The following OLFM2 variants were observed in gnomAD, a reference collection of about 807,000 sequenced individuals.
OLFM2 encodes noelin-2.
OLFM2 carries 20 observed loss-of-function variants against 43.9 expected under a neutral mutation model. The ratio of observed to expected loss-of-function variants is 0.46; its 90% CI spans 0.32 to 0.66. The LOEUF (loss-of-function observed/expected upper bound fraction) is 0.66, where lower values mean the gene tolerates loss of function less well. OLFM2 is among the 30% of genes least tolerant of loss of function. The probability of loss-of-function intolerance (pLI) is 0.04; values close to 1 mark genes in which losing one functional copy is unlikely to be tolerated. For synonymous variants in OLFM2, 268 were observed against 278.6 expected (o/e 0.96, Z 0.38); for missense variants, 416 against 643.6 (o/e 0.65, Z 3.83).
chr19:9,904,153 TG>T (rs1169034093), intron 1 of OLFM2, among the ~76,000 whole-genome samples: 14 of 3,264 alleles, frequency 4.3e-3, no homozygotes, highest in Non-Finnish European at 7.4e-3. Context: ...GAGTATTGTT[TG>T]TGTGTGTGTG....
At chr19:9,864,387 A>G (rs966612450) in intron 1 of OLFM2, among the ~76,000 whole-genome samples, 21 of 151,666 alleles carry the variant, frequency 1.4e-4, no homozygotes, top group African/African-American at 4.8e-4. Flanking sequence ...TGCAACCTCC[A>G]CCTCCTGGGT....
intron 1 of OLFM2, among the ~76,000 whole-genome samples, chr19:9,894,376 C>CAATAATAATAATAATAATAAT (rs528905230): frequency 5.1e-5 from 6 of 118,288 alleles, no homozygotes; most frequent in East Asian, 2.3e-4. Flanking sequence ...GACTCTCTCT[C>CAATAATAATAATAATAATAAT]AATAATAATA....
At chr19:9,925,399 G>A (rs1010093885) in intron 1 of OLFM2, among the ~76,000 whole-genome samples, 11 of 152,244 alleles carry the variant, frequency 7.2e-5, no homozygotes, top group South Asian at 6.2e-4. Flanking sequence ...CGCAGTCGCC[G>A]TAGAAAACAT....
chr19:9,860,820 C>T lies in OLFM2; in HGVS notation c.64-26G>A, dbSNP rs1276322247. 4.4e-6 allele frequency: 7 copies of T among 1,589,972 alleles called. No individual in the cohort carries two copies. In the East Asian group the frequency reaches 6.8e-5, roughly 15 times the overall value. On this transcript the variant is annotated intron_variant, in intron 1 of 5. Coordinates refer to ENST00000264833, the MANE Select transcript of OLFM2 (RefSeq NM_058164.4). Reference sequence around the variant, plus strand: ...CTGCAAAGAGGTGGGGGTCAGAGACCGGAATCCCAGTGAGGGTCTCGCCTC... The same window carrying T: ...CTGCAAAGAGGTGGGGGTCAGAGACTGGAATCCCAGTGAGGGTCTCGCCTC...
At chr19:9,914,133 C>G (rs1333122587) in intron 1 of OLFM2, among the ~76,000 whole-genome samples, 3 of 151,798 alleles carry the variant, frequency 2.0e-5, no homozygotes, top group African/African-American at 7.3e-5. Flanking sequence ...CTCCCGCACG[C>G]AGACCCTCTT....
chr19:9,924,635 C>A (rs1392956939), intron 1 of OLFM2, among the ~76,000 whole-genome samples: 1 of 151,936 alleles, frequency 6.6e-6, no homozygotes, highest in East Asian at 1.9e-4. Flanking sequence ...AGCTCTGATA[C>A]TACATGCAAG....
chr19:9,895,382 G>C (rs1441009699), intron 1 of OLFM2, among the ~76,000 whole-genome samples: 3 of 151,962 alleles, frequency 2.0e-5, no homozygotes, highest in Admixed American at 6.6e-5. Context: ...TGTAGTCCCA[G>C]CTACTCGGGA....
At chr19:9,901,763 C>T (rs1415866991) in intron 1 of OLFM2, among the ~76,000 whole-genome samples, 2 of 152,148 alleles carry the variant, frequency 1.3e-5, no homozygotes, top group African/African-American at 2.4e-5. Flanking sequence ...GTTGTTTATC[C>T]ACAGGCACCT....
intron 1 of OLFM2, among the ~76,000 whole-genome samples, chr19:9,879,458 G>A (rs2046521059): frequency 6.6e-6 from 1 of 152,030 alleles, no homozygotes; most frequent in Admixed American, 6.6e-5. Context: ...AACGTGTGTA[G>A]CACCTCCCCC....
intron 1 of OLFM2, among the ~76,000 whole-genome samples, chr19:9,908,986 G>A (rs549536703): frequency 1.3e-5 from 2 of 151,962 alleles, no homozygotes; most frequent in South Asian, 4.2e-4. Flanking sequence ...GATTACACAT[G>A]TGAGCCCACT....
chr19:9,872,802 T>TCATTCATC (rs1260198670), intron 1 of OLFM2, among the ~76,000 whole-genome samples: 1 of 151,968 alleles, frequency 6.6e-6, no homozygotes, highest in African/African-American at 2.4e-5. Context: ...ACCCATTCAT[T>TCATTCATC]CATTCATCCA....
chr19:9,858,242 A>G (rs986342312), intron 2 of OLFM2: 1 of 204,140 alleles, frequency 4.9e-6, no homozygotes, highest in Non-Finnish European at 9.1e-6. Flanking sequence ...CCCCCCGCCC[A>G]ACCCACTTCC....
chr19:9,933,599 C>CCAGGCT (rs1384196130), intron 1 of OLFM2, among the ~76,000 whole-genome samples: 1 of 133,550 alleles, frequency 7.5e-6, no homozygotes, highest in African/African-American at 2.8e-5. Context: ...CTCTTGTTGT[C>CCAGGCT]CAGGCTGGAG....
intron 1 of OLFM2, among the ~76,000 whole-genome samples, chr19:9,869,864 C>G (rs780517098): frequency 6.6e-6 from 1 of 152,138 alleles, no homozygotes; most frequent in Non-Finnish European, 1.5e-5. Context: ...GACAGTTCCT[C>G]CAGCCTCAGA....
At chr19:9,934,867 CT>C (rs2086506298) in intron 1 of OLFM2, among the ~76,000 whole-genome samples, 1 of 152,210 alleles carries the variant, frequency 6.6e-6, no homozygotes, top group African/African-American at 2.4e-5. Flanking sequence ...CAACACCCCC[CT>C]CGGGGTGAGC....
intron 1 of OLFM2, chr19:9,913,639 G>A: frequency 1.6e-6 from 2 of 1,257,490 alleles, no homozygotes; most frequent in South Asian, 2.0e-5. Context: ...CTCATGCCCC[G>A]CGGCCGCCCG....
Position 9,913,245 on chromosome 19 carries a change from C to T in OLFM2, c.63+23059G>A, listed in dbSNP as rs750028000. On this transcript the variant is annotated intron_variant, in intron 1 of 5. Transcript: ENST00000264833. Reference sequence around the variant, plus strand: ...TAATAATCATAATAATCAATAATAACAGCAAGAACCATCCTAAATGGCGCG... The same window carrying T: ...TAATAATCATAATAATCAATAATAATAGCAAGAACCATCCTAAATGGCGCG... 3.3e-4 allele frequency among the ~76,000 whole-genome samples: 50 copies of T among 152,144 alleles called. 1 individual carries two copies. Among genetic ancestry groups the T allele is most frequent in the Admixed American group, 1.5e-3 (23 of 15,276 alleles).
At chr19:9,881,425 C>T (rs1023030948) in intron 1 of OLFM2, among the ~76,000 whole-genome samples, 2 of 152,106 alleles carry the variant, frequency 1.3e-5, no homozygotes, top group Non-Finnish European at 2.9e-5. Context: ...CTTCCAAGGG[C>T]GTGCATGTGA....
chr19:9,876,111 G>A (rs1010055537), intron 1 of OLFM2, among the ~76,000 whole-genome samples: 7 of 152,150 alleles, frequency 4.6e-5, no homozygotes, highest in South Asian at 2.1e-4. Context: ...TTTTTCAGAC[G>A]TAAAAATGAG....
Sources: gnomAD v4.1 joint callset for allele counts (sites outside exome capture counted in the v4.1 genomes callset) on GRCh38, gnomAD v4.1.1 for gene constraint, MANE v1.5 for transcripts, NCBI Gene and HGNC (gene_info 2026-07-23, HGNC 2026-07-21) for gene names.